MARCHF5: variants seen among roughly 807,000 people sequenced by gnomAD.
MARCHF5 encodes the protein membrane associated ring-CH-type finger 5.
MARCHF5 carries 5 observed loss-of-function variants against 36.5 expected under a neutral mutation model. The observed-to-expected ratio is 0.14, with a 90% CI of 0.07 to 0.29. The LOEUF is 0.29. Among genes scored for constraint, MARCHF5 ranks in the 10% least tolerant of loss-of-function variants. The pLI, the probability that MARCHF5 is intolerant of heterozygous loss-of-function variation, is 1.00. For missense variants in MARCHF5, 179 were observed against 336.3 expected, an observed-to-expected ratio of 0.53 and a Z score of 3.66; for synonymous variants, 103 against 109.9, an observed-to-expected ratio of 0.94 and a Z score of 0.39.
At chr10:92,329,950 G>T (rs1843416791) in intron 2 of MARCHF5, among the ~76,000 whole-genome samples, 1 of 152,130 alleles carries the variant, frequency 6.6e-6, no homozygotes, top group African/African-American at 2.4e-5. Context: ...GGTTCAAGCA[G>T]TTCTGCCTCA....
intron 1 of MARCHF5, among the ~76,000 whole-genome samples, chr10:92,307,356 C>T (rs2135183161): frequency 6.6e-6 from 1 of 152,252 alleles, no homozygotes; most frequent in South Asian, 2.1e-4. Context: ...GTCCTCATTT[C>T]ATAGACTGCT....
At chr10:92,303,311 A>G (rs1843037838) in intron 1 of MARCHF5, among the ~76,000 whole-genome samples, 1 of 152,122 alleles carries the variant, frequency 6.6e-6, no homozygotes, top group Non-Finnish European at 1.5e-5. Context: ...CTCCAACCAC[A>G]TTGGTCTATG....
At chr10:92,345,462 A>C (rs977524645) in intron 3 of MARCHF5, among the ~76,000 whole-genome samples, 1 of 152,032 alleles carries the variant, frequency 6.6e-6, no homozygotes, top group Non-Finnish European at 1.5e-5. Context: ...CCAAGATTGC[A>C]CTCCAGCCTG....
intron 1 of MARCHF5, among the ~76,000 whole-genome samples, chr10:92,303,134 A>T (rs545889656): frequency 2.8e-4 from 42 of 152,324 alleles, no homozygotes; most frequent in South Asian, 8.3e-4. Context: ...CTTTTTGATA[A>T]ATAAAGCCCC....
At chr10:92,293,003 T>G (rs536724691) in intron 1 of MARCHF5, among the ~76,000 whole-genome samples, 1 of 152,326 alleles carries the variant, frequency 6.6e-6, no homozygotes, top group South Asian at 2.1e-4. Context: ...GCCAGTTCTA[T>G]TCTGTTGAGA....
At chr10:92,318,634 A>G (rs1278621254) in intron 2 of MARCHF5, among the ~76,000 whole-genome samples, 1 of 148,896 alleles carries the variant, frequency 6.7e-6, no homozygotes, top group Admixed American at 6.7e-5. Context: ...GGGAGAGAGA[A>G]AGAACGGAAA....
chr10:92,349,772 A>G lies in MARCHF5; in HGVS notation c.655A>G (p.Ile219Val), dbSNP rs372509805. The change falls in exon 5 of 6, where the codon ATT (isoleucine) becomes GTT (valine). Residue 219 changes from isoleucine (I) to valine (V), a missense_variant. Physicochemically the swap from Ile to Val is conservative, Grantham distance 29. Around this residue, in one of 3 missense-constraint regions of MARCHF5, gnomAD observed 95 missense variants for 139.5 expected, o/e 0.68. Transcript: ENST00000358935. Reference protein sequence around the residue: ...ILCGALVFPTIATIVGKLMFS... With the variant: ...ILCGALVFPTVATIVGKLMFS... The stretch of plus-strand genomic sequence containing the variant: ...GTGTGGAGCCCTTGTCTTTCCTACT[A>G]TTGCTACAATAGTTGGTAAATTGAT... 2.0e-5 allele frequency: 32 copies of G among 1,613,742 alleles called. No homozygotes were observed. The highest frequency in any genetic ancestry group is 1.5e-4 in the South Asian group (14 of 91,072).
chr10:92,315,199 A>G (rs1843195469), intron 2 of MARCHF5, among the ~76,000 whole-genome samples: 1 of 152,258 alleles, frequency 6.6e-6, no homozygotes, highest in African/African-American at 2.4e-5. Flanking sequence ...CGTATATACT[A>G]AGAGTTGATT....
At chr10:92,316,160 GT>G (rs1335888717) in intron 2 of MARCHF5, among the ~76,000 whole-genome samples, 3 of 149,204 alleles carry the variant, frequency 2.0e-5, no homozygotes, top group Admixed American at 6.7e-5. Flanking sequence ...CAGATTTTGT[GT>G]TTTTTTTTTA....
chr10:92,310,566 T>C (rs1031940396), intron 1 of MARCHF5, among the ~76,000 whole-genome samples: 1 of 152,214 alleles, frequency 6.6e-6, no homozygotes, highest in Non-Finnish European at 1.5e-5. Flanking sequence ...AAAAAAAATC[T>C]TGATATATTT....
intron 2 of MARCHF5, among the ~76,000 whole-genome samples, chr10:92,329,416 T>C (rs1236664016): frequency 6.6e-6 from 1 of 152,210 alleles, no homozygotes; most frequent in African/African-American, 2.4e-5. Flanking sequence ...GAGTAAGAAA[T>C]ATATTTTCCC....
chr10:92,353,384 A>G lies in MARCHF5; in HGVS notation c.*2177A>G, dbSNP rs1843741906. 1 of 152,304 alleles carries G rather than the reference A, an allele frequency of 6.6e-6. No individual in the cohort carries two copies. Among genetic ancestry groups the G allele is most frequent in the Middle Eastern group, 3.4e-3 (1 of 294 alleles). The allele number at this position is 152,304 out of a possible 1,614,324, so 9.4% of individuals were successfully genotyped here. On this transcript the variant is annotated 3_prime_UTR_variant, in exon 6 of 6. Transcript: ENST00000358935. ...AATAACTGTATGTATGATTTTGGCT[A>G]AAGGATTTGACTTTCTCTCAACTGC...
chr10:92,293,638 G>A (rs1005977828), intron 1 of MARCHF5, among the ~76,000 whole-genome samples: 1 of 151,500 alleles, frequency 6.6e-6, no homozygotes, highest in Non-Finnish European at 1.5e-5. Context: ...CAAAAATTAG[G>A]CAGGCGTAGT....
At chr10:92,291,811 A>G (rs1360793320) in intron 1 of MARCHF5, among the ~76,000 whole-genome samples, 1 of 152,160 alleles carries the variant, frequency 6.6e-6, no homozygotes, top group Non-Finnish European at 1.5e-5. Context: ...CCACAAAATT[A>G]GTTTTCCTTA....
intron 1 of MARCHF5, among the ~76,000 whole-genome samples, chr10:92,299,368 A>G (rs1481822169): frequency 6.6e-6 from 1 of 152,076 alleles, no homozygotes; most frequent in Non-Finnish European, 1.5e-5. Flanking sequence ...CTGTTACTAT[A>G]ATCCAGCCCC....
chr10:92,303,163 A>G (rs1022873634), intron 1 of MARCHF5, among the ~76,000 whole-genome samples: 3 of 152,152 alleles, frequency 2.0e-5, no homozygotes, highest in Non-Finnish European at 4.4e-5. Flanking sequence ...TTTTCTACAT[A>G]CTTTAAAAAT....
In MARCHF5 at chr10:92,349,442, T is replaced by C. The variant is rs1255890551; in HGVS notation, c.463T>C (p.Leu155=). Residue 155 remains leucine, a synonymous_variant, in exon 4 of 6, where the codon TTA becomes CTA. Transcript: ENST00000358935. Reference sequence around the variant, plus strand: ...TCCTACTATTCCTGTCATGCTGATATTAGGCAAGATGATTCGCTGGGAGGA... The same window carrying C: ...TCCTACTATTCCTGTCATGCTGATACTAGGCAAGATGATTCGCTGGGAGGA... ...GLPTIPVMLI[L]GKMIRWEDYV... 2.5e-6 allele frequency: 4 copies of C among 1,614,160 alleles called. No individual in the cohort carries two copies. The South Asian group carries it at 4.4e-5, about 18-fold the overall frequency.
rs147276873 is a variant in MARCHF5, at chr10:92,329,679, T to A, written c.239-10994T>A. 9.9e-3 allele frequency among the ~76,000 whole-genome samples: 1,513 copies of A among 152,352 alleles called. 25 individuals are homozygous for A. The highest frequency in any genetic ancestry group is 0.034 in the African/African-American group (1,416 of 41,588). On this transcript the variant is annotated intron_variant, in intron 2 of 5. Transcript: ENST00000358935. ...TACTCTCTTCATATTAATAAAAGTT[T>A]CTAGTAATATTTACACTTAGCCTTC...
At chr10:92,328,947 T>C (rs1843405068) in intron 2 of MARCHF5, among the ~76,000 whole-genome samples, 1 of 151,958 alleles carries the variant, frequency 6.6e-6, no homozygotes, top group African/African-American at 2.4e-5. Context: ...ATAGGTGTTA[T>C]CAGCCTGATC....
Sources: allele counts gnomAD v4.1 joint callset (sites outside exome capture counted in the v4.1 genomes callset), GRCh38; gene constraint gnomAD v4.1.1; regional missense constraint gnomAD v4.1.1; transcripts MANE v1.5; gene names NCBI Gene and HGNC (gene_info 2026-07-23, HGNC 2026-07-21).